Variants in SGCD observed in about 807,000 individuals in gnomAD.
SGCD encodes the protein delta-sarcoglycan.
Under a neutral mutation model 36.6 loss-of-function variants are expected in SGCD, and 18 were observed. The ratio of observed to expected loss-of-function variants is 0.49; its 90% confidence interval spans 0.34 to 0.73. The LOEUF (loss-of-function observed/expected upper bound fraction) is 0.73, where lower values mean the gene tolerates loss of function less well. Among genes scored for constraint, SGCD ranks in the 30% least tolerant of loss-of-function variants. The probability of loss-of-function intolerance (pLI) is 0.01; values close to 1 mark genes in which losing one functional copy is unlikely to be tolerated. For missense variants in SGCD, 387 were observed against 346.7 expected (o/e 1.12, Z -0.92); for synonymous variants, 133 against 130.6 (o/e 1.02, Z -0.12).
chr5:156,557,800 C>T (rs528287586), intron 4 of SGCD, among the ~76,000 whole-genome samples: 20 of 152,070 alleles, frequency 1.3e-4, no homozygotes, highest in Non-Finnish European at 2.4e-4. Context: ...TCCTGTCCTC[C>T]TCTTATATTG....
At chr5:156,357,185 A>T (rs938636031) in intron 3 of SGCD, among the ~76,000 whole-genome samples, 5 of 152,102 alleles carry the variant, frequency 3.3e-5, no homozygotes, top group Admixed American at 1.3e-4. Context: ...ACATTGTTTG[A>T]ACAATGTTAA....
rs776107667 is a variant in SGCD at position 156,344,553 on chromosome 5, A to G, written c.68A>G (p.Tyr23Cys). The change falls in exon 3 of 9, where the codon TAC becomes TGC. Residue 23 changes from tyrosine (Y) to cysteine (C), a missense_variant. By Grantham distance (194) the Tyr-to-Cys change is radical. Transcript: ENST00000337851. ...TMPGSVGPQV[Y>C]KVGIYGWRKR... Reference sequence around the variant, plus strand: ...CCTGGCTCTGTGGGGCCACAGGTATACAAGGTGGGGATTTATGGCTGGCGG... The same window carrying G: ...CCTGGCTCTGTGGGGCCACAGGTATGCAAGGTGGGGATTTATGGCTGGCGG... 5.6e-6 allele frequency: 9 copies of G among 1,612,226 alleles called. No homozygotes were observed. In the South Asian group the frequency reaches 9.9e-5, roughly 18 times the overall value.
chr5:156,351,720 A>G (rs1296803752), intron 3 of SGCD, among the ~76,000 whole-genome samples: 2 of 152,072 alleles, frequency 1.3e-5, no homozygotes, highest in East Asian at 1.9e-4. Context: ...TAACTTAATC[A>G]TTATCCAGGC....
chr5:156,075,962 A>T (rs1231479794), intron 1 of SGCD, among the ~76,000 whole-genome samples: 1 of 152,128 alleles, frequency 6.6e-6, no homozygotes, highest in East Asian at 1.9e-4. Flanking sequence ...ATCCTAAACT[A>T]ATCTTTTTTA....
At chr5:156,623,953 C>G (rs1241920302) in intron 6 of SGCD, among the ~76,000 whole-genome samples, 1 of 152,148 alleles carries the variant, frequency 6.6e-6, no homozygotes, top group Non-Finnish European at 1.5e-5. Context: ...CCTCCAAGGA[C>G]TCTGAAGATA....
the SGCD span, among the ~76,000 whole-genome samples, chr5:155,843,131 C>A: frequency 1.3e-5 from 2 of 152,126 alleles, no homozygotes; most frequent in African/African-American, 4.8e-5. Flanking sequence ...TGGTATCTTA[C>A]GTGAGGATTA....
chr5:155,940,487 C>T (rs1238160037), intron 1 of SGCD, among the ~76,000 whole-genome samples: 1 of 152,154 alleles, frequency 6.6e-6, no homozygotes, highest in African/African-American at 2.4e-5. Context: ...ATAAAGTCTG[C>T]ATCATTTGGG....
intron 6 of SGCD, among the ~76,000 whole-genome samples, chr5:156,643,706 C>T (rs1316603108): frequency 1.3e-5 from 2 of 152,012 alleles, no homozygotes; most frequent in African/African-American, 4.8e-5. Flanking sequence ...AATTATTTTT[C>T]TTCCATTTTC....
chr5:156,320,095 ATATGTGTG>A (rs1561617807), intron 3 of SGCD, among the ~76,000 whole-genome samples: 1 of 102,420 alleles, frequency 9.8e-6, no homozygotes, highest in Non-Finnish European at 1.9e-5. Context: ...ACAGCCTTTG[ATATGTGTG>A]TGTGTGTGTG....
At chr5:156,175,444 C>G (rs929446648) in intron 3 of SGCD, among the ~76,000 whole-genome samples, 3 of 152,006 alleles carry the variant, frequency 2.0e-5, no homozygotes, top group Non-Finnish European at 4.4e-5. Context: ...TAACATTTAC[C>G]AAATCACCAA....
chr5:155,754,289 A>G, the SGCD span, among the ~76,000 whole-genome samples: 9 of 152,234 alleles, frequency 5.9e-5, no homozygotes, highest in Admixed American at 5.9e-4. Flanking sequence ...TGGGCATGAG[A>G]AAATTTTGTA....
At chr5:156,712,879 T>A (rs369548901) in intron 7 of SGCD, among the ~76,000 whole-genome samples, 54 of 152,132 alleles carry the variant, frequency 3.5e-4, no homozygotes, top group African/African-American at 1.1e-3. Flanking sequence ...CTTAAACCAG[T>A]GGGAAACTGA....
At chr5:156,417,100 G>A (rs10042626) in intron 3 of SGCD, among the ~76,000 whole-genome samples, 59,654 of 151,978 alleles carry the variant, frequency 0.39, 12,480 homozygotes, top group Middle Eastern at 0.54. Flanking sequence ...TCTCATTTTA[G>A]AGAAAAAAAT....
At chr5:156,604,723 A>ATT (rs1234526165) in intron 6 of SGCD, among the ~76,000 whole-genome samples, 6 of 148,980 alleles carry the variant, frequency 4.0e-5, no homozygotes, top group Non-Finnish European at 7.4e-5. Flanking sequence ...ATATATGCAC[A>ATT]TTATATATGT....
chr5:156,524,548 A>T (rs1383482462), intron 4 of SGCD, among the ~76,000 whole-genome samples: 1 of 151,708 alleles, frequency 6.6e-6, no homozygotes, highest in Admixed American at 6.6e-5. Flanking sequence ...AATAAAACCA[A>T]TAACGTATTC....
chr5:155,940,967 A>G (rs944028764), intron 1 of SGCD, among the ~76,000 whole-genome samples: 1 of 152,138 alleles, frequency 6.6e-6, no homozygotes, highest in African/African-American at 2.4e-5. Context: ...TTATAGCTGA[A>G]TACCAGAGAC....
chr5:156,757,445 G>C, intron 7 of SGCD, 136 bp from the exon 8 acceptor site: 1 of 602,134 alleles, frequency 1.7e-6, no homozygotes, highest in Admixed American at 3.1e-5. Context: ...AACTTGACCA[G>C]GTTGTAAAGC....
intron 3 of SGCD, among the ~76,000 whole-genome samples, chr5:156,267,885 A>G (rs1581206782): frequency 6.6e-6 from 1 of 152,184 alleles, no homozygotes; most frequent in African/African-American, 2.4e-5. Flanking sequence ...GGTTTGTTAT[A>G]TAGGTAAACT....
intron 7 of SGCD, among the ~76,000 whole-genome samples, chr5:156,750,400 TGACAG>T (rs1489426636): frequency 6.6e-6 from 1 of 152,084 alleles, no homozygotes; most frequent in East Asian, 1.9e-4. Context: ...GTATAAGAAA[TGACAG>T]TCGCGCGCAG....
Sources: gnomAD v4.1 joint callset for allele counts (sites outside exome capture counted in the v4.1 genomes callset) on GRCh38, gnomAD v4.1.1 for gene constraint, MANE v1.5 for transcripts, NCBI Gene and HGNC (gene_info 2026-07-23, HGNC 2026-07-21) for gene names.